RANBP17: variants seen among roughly 807,000 people sequenced by gnomAD.
RANBP17 encodes the protein RAN binding protein 17.
A neutral mutation model predicts 141.2 loss-of-function variants in RANBP17; 158 were observed. The ratio of observed to expected loss-of-function variants is 1.12; its 90% CI spans 0.98 to 1.28. The LOEUF (loss-of-function observed/expected upper bound fraction) is 1.28. RANBP17 is among the 50% of genes most tolerant of loss of function. RANBP17 has a pLI of 0.00. For synonymous variants in RANBP17, 430 were observed against 450.0 expected, an observed-to-expected ratio of 0.96 and a Z score of 0.56; for missense variants, 1,438 against 1,290.7, an observed-to-expected ratio of 1.11 and a Z score of -1.75.
intron 14 of RANBP17, among the ~76,000 whole-genome samples, chr5:171,020,364 G>A (rs1780760829): frequency 6.6e-6 from 1 of 152,040 alleles, no homozygotes; most frequent in African/African-American, 2.4e-5. Flanking sequence ...ATTGACAGTG[G>A]GGTGTTAAAG....
chr5:171,063,664 TGCTG>T (rs1174234335), intron 14 of RANBP17, among the ~76,000 whole-genome samples: 2 of 152,324 alleles, frequency 1.3e-5, no homozygotes, highest in East Asian at 1.9e-4. Context: ...TCAAACTGCA[TGCTG>T]GGAGAACCAC....
intron 25 of RANBP17, among the ~76,000 whole-genome samples, chr5:171,285,135 T>C (rs933466094): frequency 6.6e-6 from 1 of 152,252 alleles, no homozygotes; most frequent in African/African-American, 2.4e-5. Flanking sequence ...TCATTTTATT[T>C]CCTCTTCCAA....
intron 14 of RANBP17, among the ~76,000 whole-genome samples, chr5:171,106,117 T>A (rs1319137801): frequency 2.6e-5 from 4 of 151,606 alleles, no homozygotes; most frequent in African/African-American, 4.8e-5. Flanking sequence ...AATAGATCCA[T>A]TGTGAAATAA....
chr5:170,962,255 T>C (rs1776205939), intron 13 of RANBP17, among the ~76,000 whole-genome samples: 1 of 152,208 alleles, frequency 6.6e-6, no homozygotes, highest in Admixed American at 6.5e-5. Flanking sequence ...CTTTGACAAA[T>C]GGATTGTGTA....
chr5:171,155,094 A>AAAAAATATATATATATATAT (rs34090443), intron 14 of RANBP17, among the ~76,000 whole-genome samples: 6 of 74,986 alleles, frequency 8.0e-5, no homozygotes, highest in African/African-American at 3.1e-4. Context: ...AAAAAAAAAA[A>AAAAAATATATATATATATAT]ATATATATAT....
chr5:170,889,073 A>G (rs949715218), intron 3 of RANBP17, among the ~76,000 whole-genome samples: 5 of 148,120 alleles, frequency 3.4e-5, no homozygotes, highest in Admixed American at 6.7e-5. Flanking sequence ...TTTTTTTTGT[A>G]GTTTCTTTTT....
chr5:170,996,657 G>A (rs1050547473), intron 14 of RANBP17, among the ~76,000 whole-genome samples: 1 of 152,102 alleles, frequency 6.6e-6, no homozygotes, highest in Non-Finnish European at 1.5e-5. Flanking sequence ...TTTACTTTCT[G>A]GGTAAGATGT....
intron 14 of RANBP17, among the ~76,000 whole-genome samples, chr5:171,034,441 T>TG (rs1781744423): frequency 6.6e-6 from 1 of 152,206 alleles, no homozygotes; most frequent in South Asian, 2.1e-4. Context: ...CAATGAGACA[T>TG]GCTGCATAAA....
intron 14 of RANBP17, among the ~76,000 whole-genome samples, chr5:171,131,234 T>TA (rs1756895083): frequency 6.6e-6 from 1 of 152,198 alleles, no homozygotes; most frequent in Non-Finnish European, 1.5e-5. Flanking sequence ...ATATAAAATA[T>TA]AAAATTCTCC....
intron 1 of RANBP17, among the ~76,000 whole-genome samples, chr5:170,866,629 C>T (rs948813130): frequency 2.0e-5 from 3 of 151,018 alleles, no homozygotes; most frequent in Non-Finnish European, 4.4e-5. Flanking sequence ...GAGCCGAGAT[C>T]GCACCACTGC....
At chr5:170,960,290 C>T (rs1343920126) in intron 13 of RANBP17, among the ~76,000 whole-genome samples, 4 of 152,156 alleles carry the variant, frequency 2.6e-5, no homozygotes, top group Non-Finnish European at 4.4e-5. Context: ...CAACTAGGCC[C>T]TCAGCATTGC....
intron 14 of RANBP17, among the ~76,000 whole-genome samples, chr5:171,098,171 C>G (rs80008241): frequency 0.046 from 6,986 of 152,190 alleles, 204 homozygotes; most frequent in East Asian, 0.12. Context: ...ATTGCTGGGT[C>G]AAATGGTATT....
rs554537962 is a variant in RANBP17, at chr5:171,216,674, T to C, written c.2339+2936T>C. 2.3e-4 allele frequency among the ~76,000 whole-genome samples: 35 copies of C among 152,318 alleles called. No homozygotes were observed. In the East Asian group the frequency reaches 5.0e-3, roughly 22 times the overall value. ...AGTATTGTATTCTCTTTGTAGCAAT[T>C]ACAAATGGGAGTTCACTCATGATTT... On this transcript the variant is annotated intron_variant, in intron 21 of 27. Transcript: ENST00000523189.
intron 1 of RANBP17, among the ~76,000 whole-genome samples, chr5:170,862,434 C>G (rs1211335628): frequency 6.6e-6 from 1 of 152,216 alleles, no homozygotes; most frequent in African/African-American, 2.4e-5. Flanking sequence ...CGCGCGGCTG[C>G]CGAGCGGTGG....
chr5:170,919,735 A>G lies in RANBP17; in HGVS notation c.1274+122A>G, dbSNP rs372435353. The G allele has an allele frequency of 1.1e-5, 7 of 660,122 alleles. No homozygotes were observed. The East Asian group carries it at 1.4e-4, about 13-fold the overall frequency. 40.9% of individuals were successfully genotyped at this position (660,122 alleles called of 1,614,324 possible). ...CAGTTGTATGATTTCTGACAAGTGC[A>G]CACAATTGTATAACTACCATCACAA... On this transcript the variant is annotated intron_variant, in intron 11 of 27. Transcript: ENST00000523189.
At chr5:170,873,600 A>G (rs1444042997) in intron 1 of RANBP17, among the ~76,000 whole-genome samples, 1 of 151,996 alleles carries the variant, frequency 6.6e-6, no homozygotes, top group Non-Finnish European at 1.5e-5. Context: ...GAATTTTTCC[A>G]TTTCTTCTAG....
intron 14 of RANBP17, among the ~76,000 whole-genome samples, chr5:171,053,100 G>A (rs953362764): frequency 5.9e-5 from 9 of 152,106 alleles, no homozygotes; most frequent in East Asian, 1.9e-4. Context: ...GATTACAGGC[G>A]TGAGCCACCG....
At chr5:171,253,121 TAAAGC>T in intron 24 of RANBP17, 2 of 609,318 alleles carry the variant, frequency 3.3e-6, no homozygotes, top group Non-Finnish European at 5.8e-6. Flanking sequence ...TTGCACACGA[TAAAGC>T]AAAGACGATG....
intron 12 of RANBP17, among the ~76,000 whole-genome samples, chr5:170,931,106 AC>A (rs1773335551): frequency 6.6e-6 from 1 of 152,072 alleles, no homozygotes; most frequent in Non-Finnish European, 1.5e-5. Context: ...TGCCATTCTA[AC>A]TGGTGTGATA....
Sources: allele counts gnomAD v4.1 joint callset (sites outside exome capture counted in the v4.1 genomes callset), GRCh38; gene constraint gnomAD v4.1.1; transcripts MANE v1.5; gene names NCBI Gene and HGNC (gene_info 2026-07-23, HGNC 2026-07-21).